The following CUL9 variants were observed in gnomAD, a reference collection of about 807,000 sequenced individuals.
CUL9 encodes cullin-9.
A neutral mutation model predicts 272.6 loss-of-function variants in CUL9; 79 were observed. The ratio of observed to expected loss-of-function variants is 0.29; its 90% CI spans 0.24 to 0.35. CUL9 has a LOEUF of 0.35. Among genes scored for constraint, CUL9 ranks in the 10% least tolerant of loss-of-function variants. The probability of loss-of-function intolerance (pLI) is 1.00; values close to 1 mark genes in which losing one functional copy is unlikely to be tolerated. For synonymous variants in CUL9, 1,186 were observed against 1,286.5 expected (o/e 0.92, Z 1.67); for missense variants, 2,532 against 3,255.6 (o/e 0.78, Z 5.41).
chr6:43,213,840 G>T lies in CUL9; in HGVS notation c.5616G>T (p.Leu1872Phe). ...CCCTGGAACAGAAGAGGAATCTCTT[G>T]AGCTGTCTTCTTGTTCGTATTCTCA... ...GRTLEQKRNL[L>F]SCLLVRILKA... Residue 1872 changes from leucine to phenylalanine, a missense_variant, in exon 29 of 41, where the codon TTG becomes TTT. By Grantham distance (22) the Leu-to-Phe change is conservative (BLOSUM62 0). Transcript: ENST00000252050. This position sits in a 1 kb window ranked among gnomAD's most constrained non-coding sequence, Gnocchi z 5.7. 6.2e-7 allele frequency: 1 copy of T among 1,614,234 alleles called. No homozygotes were observed. Among genetic ancestry groups the T allele is most frequent in the Non-Finnish European group, 8.5e-7 (1 of 1,180,040 alleles).
At position 43,223,646 on chromosome 6, in the gene CUL9, G is replaced by A; in HGVS notation, c.7284+249G>A. ...GGCTAGCCCACATCAAGGGTATTTG[G>A]TCAGGTGCCTATCAGAATCACTTGG... On this transcript the variant is annotated intron_variant, in intron 39 of 40. Transcript: ENST00000252050. The surrounding 1 kb of genome is among the most constrained non-coding windows in gnomAD (Gnocchi z 4.1). 2 of 564,994 alleles carry A rather than the reference G, an allele frequency of 3.5e-6. No individual in the cohort carries two copies. The highest frequency in any genetic ancestry group is 2.9e-5 in the East Asian group (1 of 34,996). 35.0% of individuals were successfully genotyped at this position (564,994 alleles called of 1,614,324 possible). A position where few individuals can be genotyped will look rare whatever the true frequency, so the allele number is the denominator to read the frequency against.
At chr6:43,208,189 A>G (rs1256380071) in intron 26 of CUL9, among the ~76,000 whole-genome samples, 1 of 152,090 alleles carries the variant, frequency 6.6e-6, no homozygotes, top group Non-Finnish European at 1.5e-5. Flanking sequence ...ATTTAATTGT[A>G]ATCAGTTTAT....
At chr6:43,192,726 C>T (rs1773641481) in intron 8 of CUL9, among the ~76,000 whole-genome samples, 3 of 152,160 alleles carry the variant, frequency 2.0e-5, no homozygotes, top group Admixed American at 2.0e-4. Context: ...ATTAGTATCA[C>T]TTTGAATTTA....
At chr6:43,183,055 C>T (rs1457924277) in intron 1 of CUL9, among the ~76,000 whole-genome samples, 2 of 152,154 alleles carry the variant, frequency 1.3e-5, no homozygotes, top group Non-Finnish European at 2.9e-5. Flanking sequence ...ATGAATATTA[C>T]TACCATCTTG....
In CUL9 at chr6:43,221,151, G is replaced by T. The variant is rs1776333062; in HGVS notation, c.6589-7G>T. On this transcript the variant is annotated splice_polypyrimidine_tract_variant and splice_region_variant and intron_variant, in intron 33 of 40. Coordinates refer to ENST00000252050, the MANE Select transcript of CUL9 (RefSeq NM_015089.4). This position sits in a 1 kb window ranked among gnomAD's most constrained non-coding sequence, Gnocchi z 4.2. Reference sequence around the variant, plus strand: ...AGCTGTGTCCCCACCATGCCCTCTTGCCTTAGGCACACTACCCTGCTAGCT... The same window carrying T: ...AGCTGTGTCCCCACCATGCCCTCTTTCCTTAGGCACACTACCCTGCTAGCT... 2 of 1,609,858 alleles carry T rather than the reference G, an allele frequency of 1.2e-6. No individual in the cohort carries two copies. The highest frequency in any genetic ancestry group is 1.7e-6 in the Non-Finnish European group (2 of 1,179,510).
In CUL9 at chr6:43,187,734, G is replaced by A; in HGVS notation, c.1603G>A (p.Gly535Ser). The A allele has an allele frequency of 6.2e-7, 1 of 1,612,914 alleles. No homozygotes were observed. Among genetic ancestry groups the A allele is most frequent in the Non-Finnish European group, 8.5e-7 (1 of 1,179,978 alleles). The change falls in exon 7 of 41, where the codon GGT (glycine) becomes AGT (serine). Residue 535 changes from glycine (G) to serine (S), a missense_variant. Gly to Ser is a moderately conservative substitution (Grantham distance 56). Transcript: ENST00000252050. ...ACAGACCCTGGGTGAAAAGGCCCTA[G>A]GTGAGATCTCTGTGTCCGTGGAAAT... ...LDETLGEKAL[G>S]EISVSVEMAE...
chr6:43,188,128 G>A lies in CUL9; in HGVS notation c.1987+10G>A, dbSNP rs747187818. 4 of 1,613,302 alleles carry A rather than the reference G, an allele frequency of 2.5e-6. No individual in the cohort carries two copies. Among genetic ancestry groups the A allele is most frequent in the African/African-American group, 2.7e-5 (2 of 75,040 alleles). ...AAGGAGGCAGCCAGTGGTGAGTCAG[G>A]TTCTGGGAGGAAGCAATTGGAACAA... On this transcript the variant is annotated intron_variant, in intron 7 of 40. Transcript: ENST00000252050.
In CUL9 at chr6:43,188,680, G is replaced by A. The variant is rs1773145779; in HGVS notation, c.2145G>A (p.Arg715=). The change falls in exon 8 of 41, where the codon CGG becomes CGA. Residue 715 remains arginine, a synonymous_variant. Coordinates refer to ENST00000252050, the MANE Select transcript of CUL9 (RefSeq NM_015089.4). The part of the protein sequence containing the change: ...LSQAVEEVTE[R]DHPLVRPDRS... ...AGGCTGTGGAGGAGGTCACTGAGCG[G>A]GACCACCCTCTGGTCCGTCCTGACA... The A allele has an allele frequency of 6.2e-7, 1 of 1,613,724 alleles. No homozygotes were observed. Among genetic ancestry groups the A allele is most frequent in the African/African-American group, 1.3e-5 (1 of 74,908 alleles).
Position 43,213,418 on chromosome 6 carries a change from T to A in CUL9, c.5359-20T>A, listed in dbSNP as rs748658908. The A allele has an allele frequency of 2.5e-5, 41 of 1,613,518 alleles. No homozygotes were observed. Among genetic ancestry groups the A allele is most frequent in the Non-Finnish European group, 3.4e-5 (40 of 1,179,564 alleles). ...CCTTTTCTTTCCTTTGACTCCTGAC[T>A]GGGCGTTTCTGCTCATCAGGAGGTG... On this transcript the variant is annotated intron_variant, in intron 27 of 40. Coordinates refer to ENST00000252050, the MANE Select transcript of CUL9 (RefSeq NM_015089.4). The surrounding 1 kb of genome is among the most constrained non-coding windows in gnomAD (Gnocchi z 5.7).
rs749062784 is a variant in CUL9 at position 43,196,736 on chromosome 6, C to A, written c.2677C>A (p.Leu893Met). The A allele has an allele frequency of 6.2e-7, 1 of 1,614,080 alleles. No individual in the cohort carries two copies. The highest frequency in any genetic ancestry group is 1.7e-5 in the Admixed American group (1 of 60,004). Residue 893 changes from leucine (L) to methionine (M), a missense_variant, in exon 11 of 41, where the codon CTG (leucine) becomes ATG (methionine). Coordinates refer to ENST00000252050, the MANE Select transcript of CUL9 (RefSeq NM_015089.4). ...GGGAGACCAGATTATAACCCAAGAG[C>A]TGAGAGACACGTTGTTTAGGCACTC... ...TLGDQIITQE[L>M]RDTLFRHSGI... is the part of the protein sequence containing the mutation.
chr6:43,185,524 A>C lies in CUL9; in HGVS notation c.664A>C (p.Ser222Arg). 6.2e-7 allele frequency: 1 copy of C among 1,614,088 alleles called. No individual in the cohort carries two copies. Residue 222 changes from serine (S) to arginine (R), a missense_variant, in exon 3 of 41, where the codon AGT (serine) becomes CGT (arginine). Coordinates refer to ENST00000252050, the MANE Select transcript of CUL9 (RefSeq NM_015089.4). ...DGIEQHMDFDSRYTLLELFAE... is the reference protein window; with the variant it reads ...DGIEQHMDFDRRYTLLELFAE... ...CATCGAGCAGCACATGGATTTTGAC[A>C]GTCGCTATACATTGCTGGAGCTGTT...
At chr6:43,222,507 A>G in intron 36 of CUL9, 24 bp from the exon 37 acceptor site, 1 of 1,612,810 alleles carries the variant, frequency 6.2e-7, no homozygotes, top group Non-Finnish European at 8.5e-7. Flanking sequence ...CTGTGCTGGT[A>G]CTGATACACC....
rs766005084 is a variant in CUL9, at chr6:43,202,783, G to T, written c.3715G>T (p.Gly1239Cys). 5.0e-6 allele frequency: 8 copies of T among 1,614,012 alleles called. No homozygotes were observed. The highest frequency in any genetic ancestry group is 6.8e-6 in the Non-Finnish European group (8 of 1,180,024). ...YMPARVVVFG[G>C]DSTSCIGTEL... ...GCCAGCCAGGGTGGTGGTGTTTGGG[G>T]GTGACAGCACCAGCTGCATCGGCAC... is the stretch of plus-strand genomic sequence containing the variant. The change falls in exon 17 of 41, where the codon GGT becomes TGT. Residue 1239 changes from glycine (G) to cysteine (C), a missense_variant. Around this residue, in one of 3 missense-constraint regions of CUL9, gnomAD observed 2,218 missense variants for 2,788.6 expected, o/e 0.80. Coordinates refer to ENST00000252050, the MANE Select transcript of CUL9 (RefSeq NM_015089.4).
chr6:43,220,539 C>T lies in CUL9; in HGVS notation c.6363C>T (p.Pro2121=), dbSNP rs189476869. ...GCACCTGCCCCATTGCCGACTGCCC[C>T]GCCCAGCCCACCGGAGCCTTCATTC... ...LNCTCPIADC[P]AQPTGAFIRA... is the part of the protein sequence containing the mutation. Residue 2121 remains proline (P), a synonymous_variant, in exon 32 of 41, where the codon CCC becomes CCT. Coordinates refer to ENST00000252050, the MANE Select transcript of CUL9 (RefSeq NM_015089.4). This position sits in a 1 kb window ranked among gnomAD's most constrained non-coding sequence, Gnocchi z 4.9. The T allele has an allele frequency of 7.4e-6, 12 of 1,614,090 alleles. No individual in the cohort carries two copies. Among genetic ancestry groups the T allele is most frequent in the East Asian group, 2.2e-5 (1 of 44,868 alleles).
chr6:43,203,612 G>T lies in CUL9; in HGVS notation c.4025+20G>T. 6.2e-7 allele frequency: 1 copy of T among 1,609,448 alleles called. No individual in the cohort carries two copies. The highest frequency in any genetic ancestry group is 8.5e-7 in the Non-Finnish European group (1 of 1,178,286). On this transcript the variant is annotated intron_variant, in intron 19 of 40. Transcript: ENST00000252050. This position sits in a 1 kb window ranked among gnomAD's most constrained non-coding sequence, Gnocchi z 5.0. The stretch of plus-strand genomic sequence containing the variant: ...TCCCAGGTGGGTGGGGCCTGAGGAG[G>T]GAAGATGGGTAAGGGAACAGGACAC...
intron 3 of CUL9, 131 bp from the exon 4 acceptor site, chr6:43,185,824 A>AGTTCTG (rs1772856999): frequency 7.6e-7 from 1 of 1,312,920 alleles, no homozygotes; most frequent in Non-Finnish European, 1.0e-6. Context: ...TTTCTTACAC[A>AGTTCTG]AATCAAAGTT....
intron 9 of CUL9, among the ~76,000 whole-genome samples, chr6:43,193,997 G>C (rs1773764284): frequency 6.6e-6 from 1 of 152,174 alleles, no homozygotes; most frequent in South Asian, 2.1e-4. Flanking sequence ...GTAAAACAAA[G>C]CCAGCATTGC....
Position 43,223,818 on chromosome 6 carries a change from C to G in CUL9, c.7285-277C>G. On this transcript the variant is annotated intron_variant, in intron 39 of 40. Transcript: ENST00000252050. This position sits in a 1 kb window ranked among gnomAD's most constrained non-coding sequence, Gnocchi z 4.1. Reference sequence around the variant, plus strand: ...CTGAGTCTAAACTGTGAGTCCTGTCCTCAGGTTGCTTACTGACTGGTAAGT... The same window carrying G: ...CTGAGTCTAAACTGTGAGTCCTGTCGTCAGGTTGCTTACTGACTGGTAAGT... 3.7e-6 allele frequency: 2 copies of G among 538,976 alleles called. No homozygotes were observed. Among genetic ancestry groups the G allele is most frequent in the South Asian group, 4.2e-5 (2 of 48,126 alleles). The allele number at this position is 538,976 out of a possible 1,614,324, so 33.4% of individuals were successfully genotyped here. A position where few individuals can be genotyped will look rare whatever the true frequency, so the allele number is the denominator to read the frequency against.
In CUL9 at chr6:43,200,891, C is replaced by T; in HGVS notation, c.3647+57C>T. The T allele has an allele frequency of 3.7e-6, 6 of 1,600,856 alleles. No individual in the cohort carries two copies. Among genetic ancestry groups the T allele is most frequent in the South Asian group, 1.1e-5 (1 of 90,476 alleles). Reference sequence around the variant, plus strand: ...TGCCCCAGGATACTTCCCCAAAGCACCCAGATACACACAACCCCAGCTATA... The same window carrying T: ...TGCCCCAGGATACTTCCCCAAAGCATCCAGATACACACAACCCCAGCTATA... On this transcript the variant is annotated intron_variant, in intron 16 of 40. Transcript: ENST00000252050. This position sits in a 1 kb window ranked among gnomAD's most constrained non-coding sequence, Gnocchi z 4.0.
Sources: gnomAD v4.1 joint callset for allele counts (sites outside exome capture counted in the v4.1 genomes callset) on GRCh38, gnomAD v4.1.1 for gene constraint, gnomAD v4.1.1 regional missense constraint, Gnocchi (gnomAD v3.1) non-coding constraint, MANE v1.5 for transcripts, NCBI Gene and HGNC (gene_info 2026-07-23, HGNC 2026-07-21) for gene names.